UQCC6: variants seen among roughly 807,000 people sequenced by gnomAD.
UQCC6 encodes the protein protein BRAWNIN.
At chr12:103,953,042 C>T in the UQCC6 span, among the ~76,000 whole-genome samples, 6 of 152,186 alleles carry the variant, frequency 3.9e-5, no homozygotes, top group Non-Finnish European at 8.8e-5. Flanking sequence ...CAGTGTTTTT[C>T]ACTCTGAAAT....
At chr12:103,964,754 A>G in the UQCC6 span, among the ~76,000 whole-genome samples, 1 of 152,318 alleles carries the variant, frequency 6.6e-6, no homozygotes, top group South Asian at 2.1e-4. Context: ...GGCTTTTTTC[A>G]TTCACTCAAC....
the UQCC6 span, among the ~76,000 whole-genome samples, chr12:103,964,818 G>T: frequency 6.6e-6 from 1 of 152,172 alleles, no homozygotes; most frequent in African/African-American, 2.4e-5. Context: ...GTCTACTAAT[G>T]GACAGGGTAT....
the UQCC6 span, among the ~76,000 whole-genome samples, chr12:103,958,435 T>C: frequency 6.6e-6 from 1 of 152,134 alleles, no homozygotes; most frequent in Non-Finnish European, 1.5e-5. Flanking sequence ...AGTTTCTTAG[T>C]GCTTCTTTCT....
At chr12:103,961,714 G>A in the UQCC6 span, among the ~76,000 whole-genome samples, 5 of 151,980 alleles carry the variant, frequency 3.3e-5, no homozygotes, top group African/African-American at 9.7e-5. Context: ...CCGCCACTAC[G>A]CCCAGCTAAG....
the UQCC6 span, among the ~76,000 whole-genome samples, chr12:103,964,868 C>T: frequency 1.3e-5 from 2 of 152,144 alleles, no homozygotes; most frequent in African/African-American, 2.4e-5. Flanking sequence ...TTCACTCAAA[C>T]TTTAAACAGT....
the UQCC6 span, among the ~76,000 whole-genome samples, chr12:103,960,417 A>T: frequency 6.6e-6 from 1 of 152,182 alleles, no homozygotes; most frequent in East Asian, 1.9e-4. Flanking sequence ...TATGAGACAT[A>T]TGAGACATCC....
At chr12:103,958,702 T>G in the UQCC6 span, among the ~76,000 whole-genome samples, 1 of 152,222 alleles carries the variant, frequency 6.6e-6, no homozygotes, top group Non-Finnish European at 1.5e-5. Context: ...TGATGAACAT[T>G]TTGGTTGTTT....
At chr12:103,952,976 G>C in the UQCC6 span, among the ~76,000 whole-genome samples, 1 of 152,200 alleles carries the variant, frequency 6.6e-6, no homozygotes, top group Non-Finnish European at 1.5e-5. Context: ...AGTATTCACA[G>C]AGAGGTTAAG....
the UQCC6 span, among the ~76,000 whole-genome samples, chr12:103,960,609 A>G: frequency 2.5e-4 from 38 of 152,338 alleles, no homozygotes; most frequent in African/African-American, 9.1e-4. Context: ...CCTTGGACAC[A>G]TACCCCACAC....
At chr12:103,951,387 G>A in the UQCC6 span, 13 of 507,594 alleles carry the variant, frequency 2.6e-5, no homozygotes, top group African/African-American at 5.9e-5. Context: ...AAATTTCAAC[G>A]TATCGGCTAA....
At chr12:103,961,352 CAAAG>C in the UQCC6 span, among the ~76,000 whole-genome samples, 1 of 152,026 alleles carries the variant, frequency 6.6e-6, no homozygotes, top group African/African-American at 2.4e-5. Context: ...TATTATTGAA[CAAAG>C]AAAATTACTT....
chr12:103,956,803 G>A, the UQCC6 span: 1 of 1,195,194 alleles, frequency 8.4e-7, no homozygotes, highest in South Asian at 1.3e-5. Flanking sequence ...ACTACACCGC[G>A]CCAGGGCTGA....
chr12:103,954,948 T>C, the UQCC6 span: 6 of 701,604 alleles, frequency 8.6e-6, no homozygotes, highest in Non-Finnish European at 1.6e-5. Flanking sequence ...TCAACTTCAC[T>C]CTTCTCAACC....
chr12:103,955,902 A>C, the UQCC6 span: 1 of 431,198 alleles, frequency 2.3e-6, no homozygotes, highest in Non-Finnish European at 4.6e-6. Flanking sequence ...ATTAATTTAA[A>C]TTTCTCCTTC....
At chr12:103,957,913 T>C in the UQCC6 span, among the ~76,000 whole-genome samples, 7 of 141,450 alleles carry the variant, frequency 4.9e-5, no homozygotes, top group East Asian at 1.4e-3. Context: ...ATAATATATA[T>C]TTTTAAATAT....
At chr12:103,957,892 A>AATAT in the UQCC6 span, among the ~76,000 whole-genome samples, 8 of 115,220 alleles carry the variant, frequency 6.9e-5, no homozygotes, top group African/African-American at 1.6e-4. Context: ...CTCTACTAAA[A>AATAT]ATATATATAT....
the UQCC6 span, chr12:103,951,518 C>T: frequency 7.0e-7 from 1 of 1,431,772 alleles, no homozygotes. Context: ...GAATTCTTGG[C>T]ATAGTTATTT....
At chr12:103,958,329 A>G in the UQCC6 span, among the ~76,000 whole-genome samples, 1 of 152,252 alleles carries the variant, frequency 6.6e-6, no homozygotes, top group African/African-American at 2.4e-5. Flanking sequence ...TTTGACATAC[A>G]ATAAACTGCA....
chr12:103,954,913 C>T, the UQCC6 span: 2 of 701,276 alleles, frequency 2.9e-6, no homozygotes, highest in East Asian at 2.7e-5. Flanking sequence ...CAAATCGTCT[C>T]ACTAAGCTAT....
Sources: gnomAD v4.1 joint callset for allele counts (sites outside exome capture counted in the v4.1 genomes callset) on GRCh38, gnomAD v4.1.1 for gene constraint, MANE v1.5 for transcripts, NCBI Gene and HGNC (gene_info 2026-07-23, HGNC 2026-07-21) for gene names.